PPFIA2: variants seen among roughly 807,000 people sequenced by gnomAD.
The protein encoded by PPFIA2 is PPFI scaffold protein A2, also known as liprin-alpha-2.
Under a neutral mutation model 175.5 loss-of-function variants are expected in PPFIA2, and 46 were observed. The observed-to-expected ratio is 0.26, with a 90% CI of 0.21 to 0.34. The LOEUF (loss-of-function observed/expected upper bound fraction) is 0.34, where lower values mean the gene tolerates loss of function less well. Ranked by LOEUF, PPFIA2 falls within the 10% of genes least tolerant of loss-of-function variation. The pLI is 1.00. For synonymous variants in PPFIA2, 568 were observed against 511.4 expected, an observed-to-expected ratio of 1.11 and a Z score of -1.49; for missense variants, 1,179 against 1,506.1, an observed-to-expected ratio of 0.78 and a Z score of 3.60.
intron 4 of PPFIA2, among the ~76,000 whole-genome samples, chr12:81,559,339 T>A (rs1464816553): frequency 6.6e-6 from 1 of 152,202 alleles, no homozygotes; most frequent in Non-Finnish European, 1.5e-5. Context: ...TGTGCACATA[T>A]AATAGTTAGC....
At chr12:81,634,377 A>G (rs2063748058) in intron 4 of PPFIA2, among the ~76,000 whole-genome samples, 1 of 152,072 alleles carries the variant, frequency 6.6e-6, no homozygotes, top group African/African-American at 2.4e-5. Flanking sequence ...ATGAAAAAAA[A>G]TGTTTGAGCT....
chr12:81,521,608 G>A (rs2063137299), intron 4 of PPFIA2, among the ~76,000 whole-genome samples: 2 of 148,134 alleles, frequency 1.4e-5, no homozygotes, highest in South Asian at 2.1e-4. Flanking sequence ...ACGAGGTCAG[G>A]AGATCGAGAC....
intron 5 of PPFIA2, among the ~76,000 whole-genome samples, chr12:81,450,603 G>A (rs1429332233): frequency 6.6e-6 from 1 of 152,138 alleles, no homozygotes; most frequent in African/African-American, 2.4e-5. Context: ...TGTTCACTCT[G>A]ATGGTATTTT....
intron 4 of PPFIA2, among the ~76,000 whole-genome samples, chr12:81,617,957 G>A (rs1010605298): frequency 1.8e-4 from 28 of 152,122 alleles, no homozygotes; most frequent in African/African-American, 6.8e-4. Flanking sequence ...TGGTGTGGAG[G>A]GACAAGAACT....
chr12:81,647,572 T>C (rs1347003259), intron 4 of PPFIA2, among the ~76,000 whole-genome samples: 6 of 151,324 alleles, frequency 4.0e-5, no homozygotes, highest in African/African-American at 1.5e-4. Context: ...CCATCCTGGC[T>C]AACATGGTGA....
intron 4 of PPFIA2, among the ~76,000 whole-genome samples, chr12:81,612,194 C>G (rs1487027977): frequency 2.8e-5 from 4 of 143,882 alleles, no homozygotes; most frequent in African/African-American, 9.8e-5. Flanking sequence ...ATACATCCTA[C>G]TTCTGGGCCT....
At chr12:81,366,018 C>CT (rs1309006382) in intron 14 of PPFIA2, among the ~76,000 whole-genome samples, 1 of 111,954 alleles carries the variant, frequency 8.9e-6, no homozygotes, top group Non-Finnish European at 1.8e-5. Context: ...TCCTTCCTTC[C>CT]TTCCTTCCTT....
chr12:81,340,388 T>C (rs1416969751), intron 20 of PPFIA2, among the ~76,000 whole-genome samples: 2 of 152,144 alleles, frequency 1.3e-5, no homozygotes, highest in African/African-American at 4.8e-5. Context: ...TGTCTACAGA[T>C]GCTGCAATTG....
Position 81,519,886 on chromosome 12 carries a change from G to GTA in PPFIA2, c.304-62022_304-62021dup, listed in dbSNP as rs1375577796. ...CCAAATTTTATATATGTCTTTCCCT[G>GTA]TATATATGTACATGTAATAAAGTTT... On this transcript the variant is annotated intron_variant, in intron 4 of 32. Coordinates refer to ENST00000549396, the MANE Select transcript of PPFIA2 (RefSeq NM_003625.5). Among the ~76,000 whole-genome samples the GTA allele has an allele frequency of 2.0e-5, 3 of 152,114 alleles. No homozygotes were observed. In the East Asian group the frequency reaches 5.8e-4, roughly 29 times the overall value.
At chr12:81,632,380 A>G (rs1389471262) in intron 4 of PPFIA2, among the ~76,000 whole-genome samples, 3 of 152,090 alleles carry the variant, frequency 2.0e-5, no homozygotes, top group Non-Finnish European at 2.9e-5. Context: ...TGAAAAACAT[A>G]TAATGAATAC....
intron 5 of PPFIA2, among the ~76,000 whole-genome samples, chr12:81,453,732 G>C (rs1268252342): frequency 6.6e-6 from 1 of 152,024 alleles, no homozygotes; most frequent in East Asian, 1.9e-4. Context: ...GAGGCAGTTG[G>C]ATTTAAGAAC....
intron 4 of PPFIA2, among the ~76,000 whole-genome samples, chr12:81,584,511 T>C (rs1266289877): frequency 6.6e-6 from 1 of 151,630 alleles, no homozygotes; most frequent in Non-Finnish European, 1.5e-5. Context: ...GCTACAGTTA[T>C]ACATCATCTA....
intron 28 of PPFIA2, 36 bp downstream of exon 28, chr12:81,277,281 A>C: frequency 6.6e-7 from 1 of 1,507,406 alleles, no homozygotes; most frequent in Non-Finnish European, 8.9e-7. Flanking sequence ...AAAACCCCAG[A>C]ATAAAGGCAT....
chr12:81,547,829 G>T (rs1179891987), intron 4 of PPFIA2, among the ~76,000 whole-genome samples: 2 of 152,060 alleles, frequency 1.3e-5, no homozygotes, highest in African/African-American at 2.4e-5. Context: ...ACAAGGAAAT[G>T]GACTAGAACA....
intron 4 of PPFIA2, among the ~76,000 whole-genome samples, chr12:81,606,870 G>A (rs924587262): frequency 5.3e-5 from 8 of 151,884 alleles, no homozygotes; most frequent in African/African-American, 1.9e-4. Flanking sequence ...TGGGGACTTG[G>A]CAAAAAAATA....
At position 81,405,899 on chromosome 12, in the gene PPFIA2, A is replaced by T; in HGVS notation, c.650T>A (p.Val217Asp). ...ATGAACATTTTGTTCACGCAAGGCA[A>T]CAATCTGCAAAATAAAAGCACTATG... ...EELAAANQEIVALREQNVHIQ... is the reference protein window; with the variant it reads ...EELAAANQEIDALREQNVHIQ... Residue 217 changes from valine to aspartate, a missense_variant, in exon 8 of 33, where the codon GTT (valine) becomes GAT (aspartate). Around this residue, in one of 10 missense-constraint regions of PPFIA2, gnomAD observed 226 missense variants for 216.6 expected, o/e 1.04. Coordinates refer to ENST00000549396, the MANE Select transcript of PPFIA2 (RefSeq NM_003625.5). The T allele has an allele frequency of 6.4e-7, 1 of 1,550,596 alleles. No homozygotes were observed. Among genetic ancestry groups the T allele is most frequent in the Non-Finnish European group, 8.7e-7 (1 of 1,143,576 alleles).
rs547714303 is a variant in PPFIA2 at position 81,706,102 on chromosome 12, C to T, written c.250-29258G>A. 2.0e-5 allele frequency among the ~76,000 whole-genome samples: 3 copies of T among 152,214 alleles called. No homozygotes were observed. In the East Asian group the frequency reaches 5.8e-4, roughly 29 times the overall value. On this transcript the variant is annotated intron_variant, in intron 3 of 32. Coordinates refer to ENST00000549396, the MANE Select transcript of PPFIA2 (RefSeq NM_003625.5). ...CACATTGTATTTCTACTGGGCAATG[C>T]TGCTCTAAAAAGTTTATGAAACAAG...
intron 2 of PPFIA2, among the ~76,000 whole-genome samples, chr12:81,755,723 T>G (rs988836512): frequency 6.6e-6 from 1 of 152,128 alleles, no homozygotes; most frequent in African/African-American, 2.4e-5. Flanking sequence ...CATTGAACAT[T>G]AGGAAAGTTT....
intron 3 of PPFIA2, among the ~76,000 whole-genome samples, chr12:81,752,658 G>C (rs980829035): frequency 6.6e-6 from 1 of 152,128 alleles, no homozygotes; most frequent in Non-Finnish European, 1.5e-5. Context: ...TTTCCATTTT[G>C]AGAGTCATAA....
Sources: allele counts gnomAD v4.1 joint callset (sites outside exome capture counted in the v4.1 genomes callset), GRCh38; gene constraint gnomAD v4.1.1; regional missense constraint gnomAD v4.1.1; transcripts MANE v1.5; gene names NCBI Gene and HGNC (gene_info 2026-07-23, HGNC 2026-07-21).